Variants in OCM observed in about 807,000 individuals in gnomAD.
The protein encoded by OCM is oncomodulin-1.
OCM carries 18 observed loss-of-function variants against 14.1 expected under a neutral mutation model. That is an observed-to-expected ratio of 1.28 (90% confidence interval 0.88 to 1.89). The LOEUF (loss-of-function observed/expected upper bound fraction) is 1.89, where lower values mean the gene tolerates loss of function less well. Ranked by LOEUF, OCM falls within the 40% of genes most tolerant of loss-of-function variation. The pLI is 0.00. For missense variants in OCM, 140 were observed against 137.6 expected (o/e 1.02, Z -0.09); for synonymous variants, 48 against 51.0 (o/e 0.94, Z 0.25).
At chr7:5,867,770 T>G in the OCM span, among the ~76,000 whole-genome samples, 13 of 151,930 alleles carry the variant, frequency 8.6e-5, no homozygotes, top group South Asian at 4.1e-4. Flanking sequence ...TTTGGGGGGT[T>G]GTTTTTTCTA....
At chr7:5,880,767 A>T, upstream of OCM, 1 of 914,758 alleles carries the variant, frequency 1.1e-6, no homozygotes, top group South Asian at 1.7e-5. Flanking sequence ...TTAATTTAAA[A>T]AAAAAAATAA....
chr7:5,886,306 C>A lies in OCM; in HGVS notation c.*217C>A. 1 of 556,910 alleles carries A rather than the reference C, an allele frequency of 1.8e-6. No individual in the cohort carries two copies. Among genetic ancestry groups the A allele is most frequent in the Non-Finnish European group, 3.2e-6 (1 of 311,238 alleles). 34.5% of individuals were successfully genotyped at this position (556,910 alleles called of 1,614,324 possible). On this transcript the variant is annotated 3_prime_UTR_variant, in exon 4 of 4. Coordinates refer to ENST00000242104, the MANE Select transcript of OCM (RefSeq NM_001097622.2). ...TGCCCTGACAACTTCTGTAAGCCCCCCTTCCCCCAACAGGCAATGCCTCTA... is the reference window on the plus strand; with the variant it reads ...TGCCCTGACAACTTCTGTAAGCCCCACTTCCCCCAACAGGCAATGCCTCTA...
At chr7:5,874,355 A>C in the OCM span, among the ~76,000 whole-genome samples, 1 of 151,834 alleles carries the variant, frequency 6.6e-6, no homozygotes, top group Non-Finnish European at 1.5e-5. Context: ...AATGGTTAAT[A>C]TATACATATA....
chr7:5,884,017 C>T lies in OCM; in HGVS notation c.304+18C>T, dbSNP rs772995930. 53 of 1,609,948 alleles carry T rather than the reference C, an allele frequency of 3.3e-5. No individual in the cohort carries two copies. In the Middle Eastern group the frequency reaches 4.9e-4, roughly 15 times the overall value. On this transcript the variant is annotated intron_variant, in intron 3 of 3. Transcript: ENST00000242104. Reference sequence around the variant, plus strand: ...AGCAGAGGGTATGTCCACACGTGTACGTAGCATAAAACACTCTAGCTCAGG... The same window carrying T: ...AGCAGAGGGTATGTCCACACGTGTATGTAGCATAAAACACTCTAGCTCAGG...
chr7:5,880,306 C>T (rs761359912), upstream of OCM, among the ~76,000 whole-genome samples: 4 of 151,924 alleles, frequency 2.6e-5, no homozygotes, highest in Non-Finnish European at 5.9e-5. Context: ...TATAAGAAAA[C>T]AATTGAATCC....
intron 1 of OCM, among the ~76,000 whole-genome samples, chr7:5,881,589 C>T (rs931472954): frequency 1.3e-5 from 2 of 151,902 alleles, no homozygotes; most frequent in East Asian, 1.9e-4. Flanking sequence ...ATGATCGCTA[C>T]ACTGCACTCC....
At chr7:5,868,593 G>C in the OCM span, among the ~76,000 whole-genome samples, 5 of 152,026 alleles carry the variant, frequency 3.3e-5, no homozygotes, top group African/African-American at 1.2e-4. Flanking sequence ...GGGGAAAAAA[G>C]ACATAGCCAG....
At chr7:5,877,840 AAAAAG>A (rs1562528813), upstream of OCM, among the ~76,000 whole-genome samples, 3 of 146,690 alleles carry the variant, frequency 2.0e-5, no homozygotes, top group Admixed American at 6.8e-5. Context: ...AAAAAAAAAA[AAAAAG>A]GAGATCCTGA....
the OCM span, among the ~76,000 whole-genome samples, chr7:5,859,851 A>G: frequency 2.0e-5 from 3 of 151,456 alleles, no homozygotes; most frequent in African/African-American, 4.8e-5. Flanking sequence ...GCGCCCGCCT[A>G]TAATTTTTGT....
intron 3 of OCM, among the ~76,000 whole-genome samples, chr7:5,884,907 G>A (rs1781302109): frequency 6.6e-6 from 1 of 152,002 alleles, no homozygotes. Flanking sequence ...ATCCCCTGAA[G>A]TCGGGAGTTC....
the OCM span, among the ~76,000 whole-genome samples, chr7:5,873,045 A>G: frequency 2.0e-5 from 3 of 151,962 alleles, no homozygotes; most frequent in Admixed American, 6.6e-5. Flanking sequence ...TCCAGCTTGC[A>G]TGACAGAGCC....
the OCM span, among the ~76,000 whole-genome samples, chr7:5,862,290 T>C: frequency 9.2e-5 from 14 of 152,080 alleles, no homozygotes; most frequent in Non-Finnish European, 2.1e-4. Context: ...TGTTCCCAAA[T>C]GGAGAGCTGT....
At chr7:5,885,904 C>T (rs544786342) in intron 3 of OCM, among the ~76,000 whole-genome samples, 160 bp from the exon 4 acceptor site, 73 of 152,264 alleles carry the variant, frequency 4.8e-4, no homozygotes, top group Middle Eastern at 6.8e-3. Context: ...CCACTGTGCC[C>T]GGCCAGTTTT....
upstream of OCM, among the ~76,000 whole-genome samples, chr7:5,879,521 G>A (rs1453137616): frequency 1.3e-5 from 2 of 152,098 alleles, no homozygotes; most frequent in African/African-American, 2.4e-5. Context: ...TGCCTCCAAC[G>A]GTACCTGCTA....
chr7:5,869,670 C>T, the OCM span, among the ~76,000 whole-genome samples: 1 of 152,118 alleles, frequency 6.6e-6, no homozygotes, highest in African/African-American at 2.4e-5. Flanking sequence ...TTCCCACCTG[C>T]ACCCTTCTCC....
the OCM span, among the ~76,000 whole-genome samples, chr7:5,860,779 CGTGTATATAT>C: frequency 7.7e-6 from 1 of 130,106 alleles, no homozygotes; most frequent in Admixed American, 8.2e-5. Context: ...CGTATATATA[CGTGTATATAT>C]ACATATATAT....
chr7:5,873,564 C>G, the OCM span, among the ~76,000 whole-genome samples: 1 of 151,946 alleles, frequency 6.6e-6, no homozygotes, highest in African/African-American at 2.4e-5. Context: ...AGGCTGGTCT[C>G]AAACTTCTGG....
the OCM span, among the ~76,000 whole-genome samples, chr7:5,859,826 T>C: frequency 6.6e-6 from 1 of 151,768 alleles, no homozygotes; most frequent in Non-Finnish European, 1.5e-5. Context: ...GCCTCGTGAG[T>C]AGCTGGGATT....
rs1276128893 is a variant in OCM at position 5,880,874 on chromosome 7, T to C, written c.-16T>C. 6.2e-7 allele frequency: 1 copy of C among 1,613,500 alleles called. No individual in the cohort carries two copies. Among genetic ancestry groups the C allele is most frequent in the Non-Finnish European group, 8.5e-7 (1 of 1,179,558 alleles). On this transcript the variant is annotated 5_prime_UTR_variant, in exon 1 of 4. Transcript: ENST00000242104. ...GGCTTATCGCCTCTCATTTATTCTG[T>C]GTGAGTAGGTAGAAAATGAGCATCA...
Sources: allele counts gnomAD v4.1 joint callset (sites outside exome capture counted in the v4.1 genomes callset), GRCh38; gene constraint gnomAD v4.1.1; transcripts MANE v1.5; gene names NCBI Gene and HGNC (gene_info 2026-07-23, HGNC 2026-07-21).